TMEM92: variants seen among roughly 807,000 people sequenced by gnomAD.
TMEM92 encodes the protein transmembrane protein 92.
In TMEM92, 15 loss-of-function variants were observed where a neutral mutation model predicts 14.6. The observed-to-expected ratio is 1.03, with a 90% CI of 0.69 to 1.58. The LOEUF is 1.58. Ranked by LOEUF, TMEM92 falls within the 40% of genes most tolerant of loss-of-function variation. The pLI is 0.00. For missense variants in TMEM92, 174 were observed against 202.4 expected, an observed-to-expected ratio of 0.86 and a Z score of 0.85; for synonymous variants, 85 against 83.3, an observed-to-expected ratio of 1.02 and a Z score of -0.11.
chr17:50,278,715 C>T (rs1424269184), intron 3 of TMEM92, 85 bp downstream of exon 3: 1 of 1,574,390 alleles, frequency 6.4e-7, no homozygotes, highest in African/African-American at 1.4e-5. Flanking sequence ...GCCGAGGGGG[C>T]AGTGTGGGCG....
rs773453163 is a variant in TMEM92, at chr17:50,274,566, A to G, written c.65A>G (p.Gln22Arg). The G allele has an allele frequency of 2.5e-6, 4 of 1,613,366 alleles. No individual in the cohort carries two copies. Among genetic ancestry groups the G allele is most frequent in the Non-Finnish European group, 2.5e-6 (3 of 1,179,650 alleles). ...CTGTTCAGCCTGCTGGCTGGCCCCC[A>G]AAAGGTGAGACTGGGAGGTAAGGTT... ...TLLFSLLAGP[Q>R]KIAAKCGLIL... The change falls in exon 1 of 5, where the codon CAA becomes CGA. Residue 22 changes from glutamine (Q) to arginine (R), a missense_variant. Coordinates refer to ENST00000507382, the MANE Select transcript of TMEM92 (RefSeq NM_153229.3).
At chr17:50,274,907 T>G in intron 1 of TMEM92, 1 of 311,490 alleles carries the variant, frequency 3.2e-6, no homozygotes, top group Non-Finnish European at 6.0e-6. Context: ...CGCCTGAGCT[T>G]TGGACACCTG....
At chr17:50,275,259 A>T (rs151011942) in intron 1 of TMEM92, among the ~76,000 whole-genome samples, 13 of 152,012 alleles carry the variant, frequency 8.6e-5, no homozygotes, top group African/African-American at 3.1e-4. Flanking sequence ...TAGAACATGC[A>T]TTTGTGTCTT....
chr17:50,273,409 T>C (rs56347484), upstream of TMEM92, among the ~76,000 whole-genome samples: 41,695 of 152,192 alleles, frequency 0.27, 6,159 homozygotes, highest in East Asian at 0.4. Flanking sequence ...CCCTCCGCAC[T>C]GGGGCGGCCT....
At chr17:50,272,089 G>A (rs2696259), upstream of TMEM92, among the ~76,000 whole-genome samples, 20,702 of 152,012 alleles carry the variant, frequency 0.14, 1,763 homozygotes, top group Admixed American at 0.18. Flanking sequence ...TCTGAAATTT[G>A]GATTTACCTG....
chr17:50,274,611 C>T (rs1249472998), intron 1 of TMEM92, 41 bp downstream of exon 1: 1 of 1,578,146 alleles, frequency 6.3e-7, no homozygotes, highest in Non-Finnish European at 8.7e-7. Context: ...TTGGGCCCTA[C>T]CCTTGTAGGT....
chr17:50,278,509 C>A (rs1174247871), intron 2 of TMEM92, 47 bp from the exon 3 acceptor site: 1 of 1,606,330 alleles, frequency 6.2e-7, no homozygotes, highest in Non-Finnish European at 8.5e-7. Context: ...CCTCTCCATT[C>A]TGGTGCCAGC....
At chr17:50,277,787 A>G (rs1221160693) in intron 2 of TMEM92, 47 bp downstream of exon 2, 2 of 1,611,728 alleles carry the variant, frequency 1.2e-6, no homozygotes, top group Non-Finnish European at 8.5e-7. Flanking sequence ...GGGGAGGAGC[A>G]ACCTAAATCA....
rs1248716390 is a variant in TMEM92 at position 50,279,236 on chromosome 17, A to T, written c.408A>T (p.Pro136=). 1 of 1,613,368 alleles carries T rather than the reference A, an allele frequency of 6.2e-7. No individual in the cohort carries two copies. Among genetic ancestry groups the T allele is most frequent in the Non-Finnish European group, 8.5e-7 (1 of 1,179,756 alleles). Residue 136 remains proline (P), a synonymous_variant, in exon 5 of 5, where the codon CCA becomes CCT. Transcript: ENST00000507382. ...GCCTGGGCCCAACTCCCACAGAGCC[A>T]CCCCCTCCCTACAGCTTCAGGCCTG... The part of the protein sequence containing the change: ...KPSLGPTPTE[P]PPPYSFRPEE...
At chr17:50,272,508 G>A (rs2143031759), upstream of TMEM92, among the ~76,000 whole-genome samples, 1 of 152,270 alleles carries the variant, frequency 6.6e-6, no homozygotes, top group Admixed American at 6.5e-5. Context: ...AAGAGGTGGA[G>A]GCTCCAGCAC....
chr17:50,277,463 G>A (rs1406405322), intron 1 of TMEM92, among the ~76,000 whole-genome samples: 1 of 152,006 alleles, frequency 6.6e-6, no homozygotes, highest in Non-Finnish European at 1.5e-5. Flanking sequence ...CAGAAGGGAT[G>A]AGCTTACAAA....
chr17:50,272,368 A>G (rs1480217864), upstream of TMEM92, among the ~76,000 whole-genome samples: 2 of 152,024 alleles, frequency 1.3e-5, no homozygotes, highest in Non-Finnish European at 2.9e-5. Context: ...CGTAAGGGCC[A>G]CACCTCTGTA....
At chr17:50,277,204 G>A (rs1910455453) in intron 1 of TMEM92, among the ~76,000 whole-genome samples, 1 of 152,164 alleles carries the variant, frequency 6.6e-6, no homozygotes. Context: ...CTCCCAGCGG[G>A]TGTGTGTGAG....
chr17:50,272,471 C>T (rs1049398384), upstream of TMEM92, among the ~76,000 whole-genome samples: 2 of 152,060 alleles, frequency 1.3e-5, no homozygotes, highest in African/African-American at 2.4e-5. Context: ...CAAGAAGAAC[C>T]CTGGCAGCCC....
intron 1 of TMEM92, chr17:50,275,040 A>T: frequency 6.5e-6 from 1 of 154,664 alleles, no homozygotes; most frequent in Non-Finnish European, 1.4e-5. Context: ...GTCCCCTTCT[A>T]GGGGTAAGTA....
chr17:50,279,088 C>T (rs1343131096), intron 4 of TMEM92, 92 bp downstream of exon 4: 2 of 1,425,794 alleles, frequency 1.4e-6, no homozygotes, highest in East Asian at 4.6e-5. Flanking sequence ...GCACTCTGCA[C>T]CCAGCATTGG....
intron 2 of TMEM92, among the ~76,000 whole-genome samples, chr17:50,278,262 G>A (rs1425943782): frequency 2.6e-5 from 4 of 152,110 alleles, no homozygotes; most frequent in African/African-American, 4.8e-5. Context: ...TGTCATGGCC[G>A]CTGCAATGCC....
At chr17:50,279,095 T>C in intron 4 of TMEM92, 99 bp downstream of exon 4, 3 of 1,432,894 alleles carry the variant, frequency 2.1e-6, no homozygotes, top group South Asian at 2.3e-5. Flanking sequence ...GCACCCAGCA[T>C]TGGGTCACCC....
chr17:50,272,105 C>T (rs1910266780), upstream of TMEM92, among the ~76,000 whole-genome samples: 1 of 152,092 alleles, frequency 6.6e-6, no homozygotes, highest in African/African-American at 2.4e-5. Context: ...ACCTGGGCCT[C>T]CTGTCTTTTG....
Sources: allele counts gnomAD v4.1 joint callset (sites outside exome capture counted in the v4.1 genomes callset), GRCh38; gene constraint gnomAD v4.1.1; transcripts MANE v1.5; gene names NCBI Gene and HGNC (gene_info 2026-07-23, HGNC 2026-07-21).